Variants in MARCHF3 observed in about 807,000 individuals in gnomAD.
The protein encoded by MARCHF3 is E3 ubiquitin-protein ligase MARCHF3.
MARCHF3 carries 13 observed loss-of-function variants against 24.2 expected under a neutral mutation model. The observed-to-expected ratio is 0.54, with a 90% CI of 0.35 to 0.85. The LOEUF is 0.85. Ranked by LOEUF, MARCHF3 falls within the 40% of genes least tolerant of loss-of-function variation. MARCHF3 has a pLI of 0.01. For synonymous variants in MARCHF3, 144 were observed against 137.3 expected, an observed-to-expected ratio of 1.05 and a Z score of -0.34; for missense variants, 276 against 325.0, an observed-to-expected ratio of 0.85 and a Z score of 1.16.
intron 1 of MARCHF3, among the ~76,000 whole-genome samples, chr5:126,988,383 A>G (rs73786271): frequency 0.052 from 7,850 of 152,354 alleles, 373 homozygotes; most frequent in South Asian, 0.14. Flanking sequence ...GCTCTTAAAT[A>G]CAGATGGATA....
chr5:126,917,931 CAA>C, intron 2 of MARCHF3, 51 bp downstream of exon 2: 1 of 1,564,480 alleles, frequency 6.4e-7, no homozygotes, highest in South Asian at 1.2e-5. Context: ...TTCCATCTGA[CAA>C]AGAGTTCTCT....
At chr5:126,969,474 A>C (rs895708847) in intron 1 of MARCHF3, among the ~76,000 whole-genome samples, 1 of 152,238 alleles carries the variant, frequency 6.6e-6, no homozygotes, top group Non-Finnish European at 1.5e-5. Flanking sequence ...CCCAAGTTTA[A>C]AAACACAGAC....
At chr5:126,961,681 T>A (rs181859423) in intron 1 of MARCHF3, among the ~76,000 whole-genome samples, 1 of 152,292 alleles carries the variant, frequency 6.6e-6, no homozygotes, top group Non-Finnish European at 1.5e-5. Context: ...AATAAGAAAT[T>A]ATGCCTCATC....
At chr5:126,979,068 T>C (rs763887577) in intron 1 of MARCHF3, among the ~76,000 whole-genome samples, 4 of 152,234 alleles carry the variant, frequency 2.6e-5, no homozygotes, top group Non-Finnish European at 5.9e-5. Flanking sequence ...TTTCTCAAGG[T>C]AGGTGTTGCA....
chr5:126,898,425 A>G (rs970911079), intron 3 of MARCHF3, among the ~76,000 whole-genome samples: 16 of 152,140 alleles, frequency 1.1e-4, no homozygotes, highest in African/African-American at 3.9e-4. Flanking sequence ...CAGCTGACAT[A>G]GGTATATTTT....
chr5:126,927,092 T>A (rs1749321023), intron 1 of MARCHF3, among the ~76,000 whole-genome samples: 1 of 152,206 alleles, frequency 6.6e-6, no homozygotes, highest in Non-Finnish European at 1.5e-5. Flanking sequence ...TCCTTGGCCT[T>A]AGACATGGCT....
intron 1 of MARCHF3, among the ~76,000 whole-genome samples, chr5:126,964,625 T>A (rs1032271202): frequency 1.3e-5 from 2 of 152,238 alleles, no homozygotes; most frequent in African/African-American, 4.8e-5. Context: ...CTACTATGGT[T>A]GTTTTTCAAG....
At position 126,911,201 on chromosome 5, in the gene MARCHF3, C is replaced by T. The variant is rs1239400793; in HGVS notation, c.393+3729G>A. Among the ~76,000 whole-genome samples, 10 of 152,142 alleles carry T rather than the reference C, an allele frequency of 6.6e-5. No individual in the cohort carries two copies. The South Asian group carries it at 8.3e-4, about 13-fold the overall frequency. ...CCCGGGTCCTGTGGTCCTGTGATCT[C>T]GCCCTGCCTCCATTTGCCTTGTGAT... On this transcript the variant is annotated intron_variant, in intron 3 of 4. Coordinates refer to ENST00000308660, the MANE Select transcript of MARCHF3 (RefSeq NM_178450.5).
intron 1 of MARCHF3, among the ~76,000 whole-genome samples, chr5:127,007,420 T>A (rs1752343710): frequency 6.6e-6 from 1 of 152,044 alleles, no homozygotes; most frequent in African/African-American, 2.4e-5. Context: ...GATTCTTATG[T>A]AAATTTAAAC....
Position 126,869,617 on chromosome 5 carries a change from T to A in MARCHF3, c.*1016A>T. ...TTTTTTTTTTTTTGCCACATCTACC[T>A]GTCAAGCTAGAAATTCAATAGAGCA... On this transcript the variant is annotated 3_prime_UTR_variant, in exon 5 of 5. Transcript: ENST00000308660. 1 of 120,056 alleles carries A rather than the reference T, an allele frequency of 8.3e-6. No homozygotes were observed. The highest frequency in any genetic ancestry group is 1.6e-5 in the Non-Finnish European group (1 of 60,746). The allele number at this position is 120,056 out of a possible 1,614,324, so 7.4% of individuals were successfully genotyped here.
At chr5:126,992,766 A>ATTTTTTTTTTTTTTTTTTTTTTTTTT (rs757479478) in intron 1 of MARCHF3, among the ~76,000 whole-genome samples, 3 of 95,504 alleles carry the variant, frequency 3.1e-5, no homozygotes, top group African/African-American at 1.2e-4. Context: ...CATCCACGTG[A>ATTTTTTTTTTTTTTTTTTTTTTTTTT]TTTTTTTTTT....
chr5:127,030,049 C>G (rs938681936), intron 1 of MARCHF3: 7 of 152,214 alleles, frequency 4.6e-5, no homozygotes, highest in African/African-American at 1.7e-4. Context: ...GGAGGCCGCC[C>G]CAGCGCTCCA....
At position 126,980,552 on chromosome 5, in the gene MARCHF3, G is replaced by A. The variant is rs954766635; in HGVS notation, c.-57+49798C>T. 2.6e-5 allele frequency among the ~76,000 whole-genome samples: 4 copies of A among 152,156 alleles called. No homozygotes were observed. In the South Asian group the frequency reaches 6.2e-4, roughly 24 times the overall value. ...GGCTCGGCTAATTTTTTGTATTTTA[G>A]TAGAGACAGGGTTTCACCATATTGG... On this transcript the variant is annotated intron_variant, in intron 1 of 4. Transcript: ENST00000308660.
rs368667971 is a variant in MARCHF3 at position 126,897,333 on chromosome 5, CT to C, written c.393+17596del. Among the ~76,000 whole-genome samples, 241 of 152,126 alleles carry C rather than the reference CT, an allele frequency of 1.6e-3. 1 individual carries two copies. Among genetic ancestry groups the C allele is most frequent in the African/African-American group, 5.4e-3 (224 of 41,460 alleles). ...AGATTACAGGCATGAGCCACCGCCCCTGGCCAAGAAATTTAAGGATGCGGAT... is the reference window on the plus strand; with the variant it reads ...AGATTACAGGCATGAGCCACCGCCCCGGCCAAGAAATTTAAGGATGCGGAT... On this transcript the variant is annotated intron_variant, in intron 3 of 4. Coordinates refer to ENST00000308660, the MANE Select transcript of MARCHF3 (RefSeq NM_178450.5).
intron 1 of MARCHF3, among the ~76,000 whole-genome samples, chr5:126,954,375 AT>A (rs764704624): frequency 7.8e-4 from 112 of 144,280 alleles, no homozygotes; most frequent in Non-Finnish European, 6.4e-4. Context: ...TATGGATACA[AT>A]TTTTTTTTTT....
intron 3 of MARCHF3, among the ~76,000 whole-genome samples, chr5:126,896,008 C>CTCG (rs1365490279): frequency 4.6e-5 from 7 of 152,114 alleles, no homozygotes; most frequent in African/African-American, 1.7e-4. Flanking sequence ...GGGATATAAT[C>CTCG]TGGTGCGCCG....
At chr5:126,890,758 G>A (rs1411802979) in intron 3 of MARCHF3, among the ~76,000 whole-genome samples, 2 of 150,950 alleles carry the variant, frequency 1.3e-5, no homozygotes, top group Admixed American at 6.6e-5. Context: ...ACATGTGCAT[G>A]TGTCTTTATA....
chr5:126,916,445 C>A (rs530028401), intron 2 of MARCHF3, among the ~76,000 whole-genome samples: 37 of 152,126 alleles, frequency 2.4e-4, no homozygotes, highest in African/African-American at 8.4e-4. Context: ...TTCCCAAAGG[C>A]CTTTCTGAGA....
chr5:126,970,238 C>T (rs1379540823), intron 1 of MARCHF3, among the ~76,000 whole-genome samples: 2 of 152,120 alleles, frequency 1.3e-5, no homozygotes, highest in African/African-American at 4.8e-5. Flanking sequence ...CGGGCACATG[C>T]CACCACACCT....
Sources: allele counts gnomAD v4.1 joint callset (sites outside exome capture counted in the v4.1 genomes callset), GRCh38; gene constraint gnomAD v4.1.1; transcripts MANE v1.5; gene names NCBI Gene and HGNC (gene_info 2026-07-23, HGNC 2026-07-21).